Variants in CFAP44 observed in about 807,000 individuals in gnomAD.
CFAP44 encodes cilia- and flagella-associated protein 44.
Under a neutral mutation model 216.2 loss-of-function variants are expected in CFAP44, and 134 were observed. The observed-to-expected ratio is 0.62, with a 90% CI of 0.54 to 0.72. The LOEUF is 0.72. Ranked by LOEUF, CFAP44 falls within the 30% of genes least tolerant of loss-of-function variation. The pLI is 0.00. For synonymous variants in CFAP44, 700 were observed against 727.6 expected (o/e 0.96, Z 0.61); for missense variants, 2,035 against 2,182.1 (o/e 0.93, Z 1.34).
Position 113,409,279 on chromosome 3 carries a change from G to A in CFAP44, c.717C>T (p.Ser239=), listed in dbSNP as rs144907390. Residue 239 remains serine (S), a synonymous_variant, in exon 7 of 35, where the codon AGC becomes AGT. Coordinates refer to ENST00000393845, the MANE Select transcript of CFAP44 (RefSeq NM_001164496.2). ...KGYAYVDFNY[S]GNLLASVGSN... ...TACCAACAGAGGCCAGCAAGTTACC[G>A]CTGTAGTTAAAGTCCACATAAGCAT... The A allele has an allele frequency of 2.0e-3, 3,305 of 1,614,078 alleles. 6 individuals carry two copies. The highest frequency in any genetic ancestry group is 4.5e-3 in the Middle Eastern group (27 of 6,062).
intron 28 of CFAP44, among the ~76,000 whole-genome samples, chr3:113,320,321 A>ACCTGAC (rs201922076): frequency 6.8e-6 from 1 of 147,518 alleles, no homozygotes; most frequent in African/African-American, 2.5e-5. Context: ...TGCAGCTGGA[A>ACCTGAC]CCTGACCCTG....
At chr3:113,412,162 G>A (rs369660409) in intron 6 of CFAP44, among the ~76,000 whole-genome samples, 6 of 152,224 alleles carry the variant, frequency 3.9e-5, no homozygotes, top group South Asian at 2.1e-4. Context: ...AGTTCTGGCC[G>A]GGCAATCAGG....
At chr3:113,315,968 C>T (rs1471782648) in intron 28 of CFAP44, among the ~76,000 whole-genome samples, 1 of 152,240 alleles carries the variant, frequency 6.6e-6, no homozygotes, top group African/African-American at 2.4e-5. Flanking sequence ...AGGACATACC[C>T]CATGGTAAAT....
chr3:113,430,745 G>A (rs1935085873), intron 2 of CFAP44, among the ~76,000 whole-genome samples: 1 of 152,078 alleles, frequency 6.6e-6, no homozygotes. Context: ...GGCCCAGACA[G>A]CTTTACTGGT....
At position 113,303,939 on chromosome 3, in the gene CFAP44, C is replaced by G; in HGVS notation, c.5054G>C (p.Arg1685Thr). Residue 1685 changes from arginine (R) to threonine (T), a missense_variant, in exon 32 of 35, where the codon AGA becomes ACA. Around this residue, in one of 3 missense-constraint regions of CFAP44, gnomAD observed 1,883 missense variants for 2,023.7 expected, o/e 0.93. Coordinates refer to ENST00000393845, the MANE Select transcript of CFAP44 (RefSeq NM_001164496.2). ...ERRKQLIREK[R>T]EMTKTIHKME... ...ACTGTGTATGGTTTTTGTCATTTCT[C>G]TCTTTTCTCGGATGAGCTGTTTACG... 1.3e-6 allele frequency: 2 copies of G among 1,537,670 alleles called. No individual in the cohort carries two copies. Among genetic ancestry groups the G allele is most frequent in the Non-Finnish European group, 1.7e-6 (2 of 1,146,992 alleles).
chr3:113,314,075 TATA>T (rs1203978998), intron 28 of CFAP44, among the ~76,000 whole-genome samples: 2 of 152,294 alleles, frequency 1.3e-5, no homozygotes, highest in East Asian at 3.9e-4. Context: ...CCTTTTGGAT[TATA>T]ATGAAAGATC....
intron 22 of CFAP44, among the ~76,000 whole-genome samples, chr3:113,350,069 C>T (rs1351217117): frequency 6.6e-6 from 1 of 152,018 alleles, no homozygotes; most frequent in Non-Finnish European, 1.5e-5. Flanking sequence ...GTGCAAAAAC[C>T]CAACGAGGTG....
chr3:113,400,461 T>A, intron 12 of CFAP44, 84 bp downstream of exon 12: 2 of 1,221,484 alleles, frequency 1.6e-6, no homozygotes, highest in Non-Finnish European at 2.2e-6. Flanking sequence ...CCCCAAATGC[T>A]CTTAAGTCAA....
intron 24 of CFAP44, among the ~76,000 whole-genome samples, chr3:113,335,655 G>C (rs924142955): frequency 9.2e-5 from 14 of 152,136 alleles, no homozygotes; most frequent in African/African-American, 3.1e-4. Context: ...GAGTACAGAG[G>C]ACATTCAAGA....
chr3:113,319,648 A>T (rs543915892), intron 28 of CFAP44, among the ~76,000 whole-genome samples: 1 of 152,012 alleles, frequency 6.6e-6, no homozygotes. Context: ...TCTCATCTGC[A>T]CACAGAATAT....
chr3:113,354,405 C>T (rs184411656), intron 22 of CFAP44, among the ~76,000 whole-genome samples: 162 of 152,276 alleles, frequency 1.1e-3, no homozygotes, highest in Non-Finnish European at 1.8e-3. Flanking sequence ...AGTTCTCAGC[C>T]CTGCTCAGCA....
intron 28 of CFAP44, among the ~76,000 whole-genome samples, chr3:113,322,644 T>C (rs1409166867): frequency 6.6e-6 from 1 of 152,220 alleles, no homozygotes; most frequent in Non-Finnish European, 1.5e-5. Flanking sequence ...GGAATGTAAA[T>C]TAGTTCAGCC....
chr3:113,326,350 TG>T, intron 28 of CFAP44, 94 bp downstream of exon 28: 1 of 1,165,840 alleles, frequency 8.6e-7, no homozygotes, highest in Non-Finnish European at 1.1e-6. Context: ...CATGTTATAG[TG>T]AAAAAAATAA....
rs1414494136 is a variant in CFAP44, at chr3:113,401,720, AT to A, written c.1189del (p.Ile397Ter). 6.2e-7 allele frequency: 1 copy of A among 1,610,280 alleles called. No individual in the cohort carries two copies. Among genetic ancestry groups the A allele is most frequent in the African/African-American group, 1.3e-5 (1 of 74,708 alleles). ...CTCATCTATTACATCAGCAGTGTCT[AT>A]TGTCTCAAAATCCCATATCTTGTAA... The part of the protein sequence containing the change: ...GYVRIWDFET[I>X]DTADVIDETG... On this transcript the variant is annotated frameshift_variant, in exon 10 of 35. Coordinates refer to ENST00000393845, the MANE Select transcript of CFAP44 (RefSeq NM_001164496.2). LOFTEE classifies it high-confidence loss of function.
At chr3:113,374,631 T>C (rs938097449) in intron 17 of CFAP44, among the ~76,000 whole-genome samples, 13 of 151,922 alleles carry the variant, frequency 8.6e-5, no homozygotes, top group Admixed American at 4.6e-4. Flanking sequence ...AATCCAAGTG[T>C]CTATTTTTGT....
At position 113,349,598 on chromosome 3, in the gene CFAP44, T is replaced by C. The variant is rs140064707; in HGVS notation, c.3066-4886A>G. On this transcript the variant is annotated intron_variant, in intron 22 of 34. Transcript: ENST00000393845. The stretch of plus-strand genomic sequence containing the variant: ...GAGAAACAAGCTGCTCCCTTGCCCA[T>C]GTCCACTATCCCGAGGCAATTACTG... Among the ~76,000 whole-genome samples, 291 of 152,334 alleles carry C rather than the reference T, an allele frequency of 1.9e-3. 2 individuals carry two copies. The highest frequency in any genetic ancestry group is 5.7e-3 in the African/African-American group (237 of 41,576).
At position 113,341,824 on chromosome 3, in the gene CFAP44, A is replaced by G; in HGVS notation, c.3357T>C (p.Ile1119=). 6.5e-7 allele frequency: 1 copy of G among 1,530,714 alleles called. No homozygotes were observed. The highest frequency in any genetic ancestry group is 2.5e-5 in the East Asian group (1 of 40,702). 94.8% of individuals were successfully genotyped at this position (1,530,714 alleles called of 1,614,324 possible). The change falls in exon 24 of 35, where the codon ATT becomes ATC. Residue 1119 remains isoleucine (I), a synonymous_variant. Coordinates refer to ENST00000393845, the MANE Select transcript of CFAP44 (RefSeq NM_001164496.2). ...TTAATATAAGTTTTCTCGTTTTCTC[A>G]ATTTGATTTTCCACGATGATTTCAC... is the stretch of plus-strand genomic sequence containing the variant. ...TLSEIIVENQ[I]EKTRKLILKA...
intron 9 of CFAP44, among the ~76,000 whole-genome samples, chr3:113,402,571 C>T (rs1301810939): frequency 6.6e-6 from 1 of 152,220 alleles, no homozygotes; most frequent in Admixed American, 6.5e-5. Context: ...TCTGGGAAGA[C>T]TGTCCCATAG....
chr3:113,384,031 G>A (rs1404871201), intron 15 of CFAP44, among the ~76,000 whole-genome samples: 1 of 151,702 alleles, frequency 6.6e-6, no homozygotes, highest in Admixed American at 6.6e-5. Context: ...TTAGTTTGCT[G>A]AGAATGATGA....
Sources: allele counts gnomAD v4.1 joint callset (sites outside exome capture counted in the v4.1 genomes callset), GRCh38; gene constraint gnomAD v4.1.1; regional missense constraint gnomAD v4.1.1; transcripts MANE v1.5; gene names NCBI Gene and HGNC (gene_info 2026-07-23, HGNC 2026-07-21).